Variants in SDK1 observed in about 807,000 individuals in gnomAD.
SDK1 encodes protein sidekick-1.
In SDK1, 157 loss-of-function variants were observed where a neutral mutation model predicts 245.5. The observed-to-expected ratio is 0.64, with a 90% confidence interval of 0.56 to 0.73. The LOEUF (loss-of-function observed/expected upper bound fraction) is 0.73. Ranked by LOEUF, SDK1 falls within the 30% of genes least tolerant of loss-of-function variation. The pLI is 0.00. For missense variants in SDK1, 3,583 were observed against 3,002.3 expected (o/e 1.19, Z -4.52); for synonymous variants, 1,647 against 1,278.5 (o/e 1.29, Z -6.15).
intron 1 of SDK1, among the ~76,000 whole-genome samples, chr7:3,452,216 T>A (rs997574800): frequency 6.6e-6 from 1 of 152,176 alleles, no homozygotes; most frequent in Non-Finnish European, 1.5e-5. Context: ...TTATCTAACC[T>A]CTTAAGAACA....
intron 5 of SDK1, among the ~76,000 whole-genome samples, chr7:3,948,903 T>C (rs150376956): frequency 1.3e-5 from 2 of 152,332 alleles, no homozygotes; most frequent in African/African-American, 4.8e-5. Context: ...CTTTCAGCAT[T>C]AGCCACTGCC....
intron 1 of SDK1, among the ~76,000 whole-genome samples, chr7:3,492,357 G>A (rs573211734): frequency 2.0e-5 from 3 of 152,294 alleles, no homozygotes; most frequent in East Asian, 3.9e-4. Flanking sequence ...AGCCAGGCAT[G>A]GTGGCAGGCA....
chr7:3,554,522 C>T (rs1244730146), intron 1 of SDK1, among the ~76,000 whole-genome samples: 1 of 152,122 alleles, frequency 6.6e-6, no homozygotes, highest in African/African-American at 2.4e-5. Flanking sequence ...CAATAGAAGC[C>T]TCCAGAGATT....
intron 1 of SDK1, among the ~76,000 whole-genome samples, chr7:3,304,977 CTCTAATGGT>C (rs1271629816): frequency 6.6e-6 from 1 of 152,176 alleles, no homozygotes; most frequent in Non-Finnish European, 1.5e-5. Flanking sequence ...AGAACCACTG[CTCTAATGGT>C]TTTACGTGAG....
chr7:3,778,339 C>T (rs960387399), intron 4 of SDK1, among the ~76,000 whole-genome samples: 1 of 152,176 alleles, frequency 6.6e-6, no homozygotes, highest in African/African-American at 2.4e-5. Context: ...AGAAAATGCC[C>T]TCATGGCTTA....
At chr7:3,548,332 A>G (rs539537451) in intron 1 of SDK1, among the ~76,000 whole-genome samples, 2 of 152,314 alleles carry the variant, frequency 1.3e-5, no homozygotes, top group African/African-American at 4.8e-5. Context: ...TTCTAGATGA[A>G]TTATTGTTCT....
chr7:4,158,887 T>C (rs1314102927), intron 31 of SDK1, among the ~76,000 whole-genome samples: 1 of 152,214 alleles, frequency 6.6e-6, no homozygotes, highest in Non-Finnish European at 1.5e-5. Context: ...ATTTTTCTCA[T>C]TCACGAGCCA....
chr7:4,185,731 C>T (rs1016787360), intron 35 of SDK1, among the ~76,000 whole-genome samples: 1 of 152,170 alleles, frequency 6.6e-6, no homozygotes, highest in African/African-American at 2.4e-5. Flanking sequence ...CTCTGAGTTC[C>T]ATGAGGGCAG....
intron 5 of SDK1, among the ~76,000 whole-genome samples, chr7:3,888,434 G>C (rs77469308): frequency 0.016 from 2,407 of 152,298 alleles, 71 homozygotes; most frequent in African/African-American, 0.055. Context: ...GCTGTTATTA[G>C]TCCTGATGTA....
intron 4 of SDK1, among the ~76,000 whole-genome samples, chr7:3,759,584 CATTATTATT>C (rs4039584): frequency 4.7e-4 from 69 of 145,888 alleles, no homozygotes; most frequent in Non-Finnish European, 8.7e-4. Context: ...AAATTTTTTT[CATTATTATT>C]ATTATTATTA....
At chr7:3,805,926 C>T (rs939316562) in intron 4 of SDK1, among the ~76,000 whole-genome samples, 7 of 152,124 alleles carry the variant, frequency 4.6e-5, no homozygotes, top group Admixed American at 3.9e-4. Context: ...GCTCCTTTGC[C>T]CCCTCTTCTT....
At chr7:3,450,138 T>G (rs1460908828) in intron 1 of SDK1, among the ~76,000 whole-genome samples, 2 of 152,218 alleles carry the variant, frequency 1.3e-5, no homozygotes, top group Non-Finnish European at 2.9e-5. Context: ...ATGTGTGTGG[T>G]AAAGTCCGTT....
At chr7:3,506,508 C>G (rs898693727) in intron 1 of SDK1, among the ~76,000 whole-genome samples, 3 of 152,050 alleles carry the variant, frequency 2.0e-5, no homozygotes, top group African/African-American at 7.2e-5. Context: ...AAATTTTTAA[C>G]ATTGTATTTT....
At chr7:3,400,908 C>G (rs758070907) in intron 1 of SDK1, among the ~76,000 whole-genome samples, 1 of 152,144 alleles carries the variant, frequency 6.6e-6, no homozygotes, top group Non-Finnish European at 1.5e-5. Context: ...GAGCTTATCT[C>G]TACCCAGTCT....
chr7:3,387,503 C>G (rs1781638923), intron 1 of SDK1, among the ~76,000 whole-genome samples: 1 of 152,210 alleles, frequency 6.6e-6, no homozygotes, highest in Non-Finnish European at 1.5e-5. Flanking sequence ...TCTGACACTT[C>G]CAACATCATG....
chr7:3,324,959 T>C (rs1779906075), intron 1 of SDK1, among the ~76,000 whole-genome samples: 1 of 152,140 alleles, frequency 6.6e-6, no homozygotes, highest in African/African-American at 2.4e-5. Flanking sequence ...AGGACAAGCT[T>C]TAGGAAACTG....
chr7:3,357,243 G>A lies in SDK1; in HGVS notation c.298+55359G>A, dbSNP rs563765966. 4.8e-4 allele frequency among the ~76,000 whole-genome samples: 71 copies of A among 146,500 alleles called. 1 individual carries two copies. The highest frequency in any genetic ancestry group is 1.8e-3 in the African/African-American group (71 of 39,950). ...AGAGACTCTGGATGCTTCTGTTGTT[G>A]ATGTATATGTGCACACTCACAGTCT... is the stretch of plus-strand genomic sequence containing the variant. On this transcript the variant is annotated intron_variant, in intron 1 of 44. Coordinates refer to ENST00000404826, the MANE Select transcript of SDK1 (RefSeq NM_152744.4).
intron 4 of SDK1, among the ~76,000 whole-genome samples, chr7:3,706,159 A>G (rs1784883442): frequency 6.6e-6 from 1 of 152,098 alleles, no homozygotes; most frequent in Non-Finnish European, 1.5e-5. Context: ...TGTTGGATTC[A>G]ATTAGTTCAT....
At chr7:4,089,837 C>A (rs1781676060) in intron 22 of SDK1, among the ~76,000 whole-genome samples, 1 of 152,228 alleles carries the variant, frequency 6.6e-6, no homozygotes, top group South Asian at 2.1e-4. Flanking sequence ...AAGGCCTCAT[C>A]CATGATTTGC....
Sources: allele counts gnomAD v4.1 joint callset (sites outside exome capture counted in the v4.1 genomes callset), GRCh38; gene constraint gnomAD v4.1.1; transcripts MANE v1.5; gene names NCBI Gene and HGNC (gene_info 2026-07-23, HGNC 2026-07-21).